The following CLMN variants were observed in gnomAD, a reference collection of about 807,000 sequenced individuals.
The protein encoded by CLMN is calmin.
A neutral mutation model predicts 92.7 loss-of-function variants in CLMN; 57 were observed. The observed-to-expected ratio is 0.61, with a 90% CI of 0.50 to 0.77. The LOEUF is 0.77. CLMN is among the 30% of genes least tolerant of loss of function. The pLI is 0.00. For synonymous variants in CLMN, 466 were observed against 470.6 expected (o/e 0.99, Z 0.13); for missense variants, 1,158 against 1,237.5 (o/e 0.94, Z 0.96).
At chr14:95,303,436 T>C (rs1005812553) in intron 1 of CLMN, among the ~76,000 whole-genome samples, 2 of 152,196 alleles carry the variant, frequency 1.3e-5, no homozygotes, top group African/African-American at 4.8e-5. Context: ...GAGCTTTCAG[T>C]CCACTGATGG....
rs1900817164 is a variant in CLMN at position 95,296,553 on chromosome 14, A to G, written c.82+23158T>C. Among the ~76,000 whole-genome samples the G allele has an allele frequency of 2.0e-5, 3 of 152,244 alleles. No individual in the cohort carries two copies. The South Asian group carries it at 6.2e-4, about 32-fold the overall frequency. On this transcript the variant is annotated intron_variant, in intron 1 of 12. Coordinates refer to ENST00000298912, the MANE Select transcript of CLMN (RefSeq NM_024734.4). ...CAACCCAGTGACTAAGTGCTGACCA[A>G]TAAGATGTCAGCAGAAATGCTATCA...
rs1897585446 is a variant in CLMN at position 95,222,692 on chromosome 14, G to A, written c.241-918C>T. The A allele has an allele frequency of 1.1e-5, 5 of 439,394 alleles. No homozygotes were observed. The Admixed American group carries it at 1.3e-4, about 11-fold the overall frequency. 27.2% of individuals were successfully genotyped at this position (439,394 alleles called of 1,614,324 possible). A position where few individuals can be genotyped will look rare whatever the true frequency, so the allele number is the denominator to read the frequency against. On this transcript the variant is annotated intron_variant, in intron 3 of 12. Transcript: ENST00000298912. ...AAGTCTTTTGGGGACCGTGCTCATG[G>A]CGAGGCCTCTAAGAAACCAAATACT... is the stretch of plus-strand genomic sequence containing the variant.
chr14:95,183,986 G>GA lies in CLMN; in HGVS notation c.*7577dup, dbSNP rs1490057221. 5 of 152,226 alleles carry GA rather than the reference G, an allele frequency of 3.3e-5. No individual in the cohort carries two copies. Among genetic ancestry groups the GA allele is most frequent in the African/African-American group, 9.6e-5 (4 of 41,534 alleles). The allele number at this position is 152,226 out of a possible 1,614,324, so 9.4% of individuals were successfully genotyped here. On this transcript the variant is annotated 3_prime_UTR_variant, in exon 13 of 13. Coordinates refer to ENST00000298912, the MANE Select transcript of CLMN (RefSeq NM_024734.4). ...GTTAGATTTGAGACAGGGTAGCTCA[G>GA]AAAAAAGTAATGGATTGGAGAGAGG...
chr14:95,230,037 T>A (rs1566881299), intron 2 of CLMN, 35 bp downstream of exon 2: 1 of 1,595,920 alleles, frequency 6.3e-7, no homozygotes, highest in Non-Finnish European at 8.6e-7. Context: ...TACAGATGAA[T>A]CTATCACTTA....
At chr14:95,302,191 T>C (rs1378714641) in intron 1 of CLMN, among the ~76,000 whole-genome samples, 5 of 152,066 alleles carry the variant, frequency 3.3e-5, no homozygotes, top group Non-Finnish European at 7.4e-5. Context: ...TCCCAGCTAC[T>C]CAGGAGGCTG....
At chr14:95,245,225 T>TAATA (rs1491192837) in intron 1 of CLMN, among the ~76,000 whole-genome samples, 1 of 24,360 alleles carries the variant, frequency 4.1e-5, no homozygotes, top group Non-Finnish European at 6.1e-5. Context: ...TATATATATA[T>TAATA]TATATATATA....
At chr14:95,224,321 C>T (rs1897643493) in intron 2 of CLMN, among the ~76,000 whole-genome samples, 1 of 152,102 alleles carries the variant, frequency 6.6e-6, no homozygotes, top group African/African-American at 2.4e-5. Flanking sequence ...CGCTCTGTCG[C>T]CCAGGCTTAG....
chr14:95,264,949 A>AT (rs1361432591), intron 1 of CLMN, among the ~76,000 whole-genome samples: 1 of 151,760 alleles, frequency 6.6e-6, no homozygotes. Flanking sequence ...CAAAAAAAAA[A>AT]AAAAAAATTA....
In CLMN at chr14:95,274,969, A is replaced by G. The variant is rs1899868060; in HGVS notation, c.82+44742T>C. 3.7e-5 allele frequency among the ~76,000 whole-genome samples: 5 copies of G among 133,842 alleles called. No individual in the cohort carries two copies. In the South Asian group the frequency reaches 1.2e-3, roughly 32 times the overall value. 87.8% of individuals were successfully genotyped at this position (133,842 alleles called of 152,430 possible). A position where few individuals can be genotyped will look rare whatever the true frequency, so the allele number is the denominator to read the frequency against. ...CACTCCAGCCTGACGACAGGGCAACACTCTGTCTCAAAAAAAAAAAAAAAA... is the reference window on the plus strand; with the variant it reads ...CACTCCAGCCTGACGACAGGGCAACGCTCTGTCTCAAAAAAAAAAAAAAAA... On this transcript the variant is annotated intron_variant, in intron 1 of 12. Transcript: ENST00000298912.
At chr14:95,198,042 C>CTTTTTTTTTTTTTTTTT (rs1019598103) in intron 9 of CLMN, among the ~76,000 whole-genome samples, 1 of 69,956 alleles carries the variant, frequency 1.4e-5, no homozygotes, top group Non-Finnish European at 2.6e-5. Flanking sequence ...TTTTTTCTTT[C>CTTTTTTTTTTTTTTTTT]TTTTTTTTTT....
chr14:95,184,942 T>A lies in CLMN; in HGVS notation c.*6622A>T, dbSNP rs1017949734. ...TGAGCAACAGTGAGACCTGTATCTA[T>A]AAAAGATAAAAAAATTAGGTGGGCG... On this transcript the variant is annotated 3_prime_UTR_variant, in exon 13 of 13. Coordinates refer to ENST00000298912, the MANE Select transcript of CLMN (RefSeq NM_024734.4). 2.6e-5 allele frequency: 4 copies of A among 152,090 alleles called. No homozygotes were observed. Among genetic ancestry groups the A allele is most frequent in the African/African-American group, 9.7e-5 (4 of 41,402 alleles). 9.4% of individuals were successfully genotyped at this position (152,090 alleles called of 1,614,324 possible).
intron 1 of CLMN, among the ~76,000 whole-genome samples, chr14:95,265,739 C>CAGAG (rs1899447638): frequency 6.6e-6 from 1 of 152,234 alleles, no homozygotes; most frequent in African/African-American, 2.4e-5. Context: ...CATGCTCAGA[C>CAGAG]AGAGCCCTGT....
At chr14:95,270,490 T>C (rs1355989094) in intron 1 of CLMN, among the ~76,000 whole-genome samples, 6 of 152,202 alleles carry the variant, frequency 3.9e-5, no homozygotes, top group Admixed American at 3.9e-4. Context: ...ATAGACCTTC[T>C]AGCTCCATTG....
At chr14:95,252,322 T>C (rs1318862605) in intron 1 of CLMN, among the ~76,000 whole-genome samples, 1 of 152,076 alleles carries the variant, frequency 6.6e-6, no homozygotes, top group Non-Finnish European at 1.5e-5. Context: ...GTGGGGATAA[T>C]GAGAGCCCAC....
chr14:95,223,961 G>C (rs1289980675), intron 2 of CLMN, 106 bp from the exon 3 acceptor site: 2 of 793,122 alleles, frequency 2.5e-6, no homozygotes, highest in African/African-American at 3.5e-5. Flanking sequence ...CAAACATCCA[G>C]CTCTGTTTAC....
chr14:95,273,371 T>C (rs1187656230), intron 1 of CLMN, among the ~76,000 whole-genome samples: 1 of 152,038 alleles, frequency 6.6e-6, no homozygotes, highest in East Asian at 1.9e-4. Context: ...CAAGAAGGGC[T>C]CCTCCCTATT....
At chr14:95,293,338 C>A (rs1311007715) in intron 1 of CLMN, among the ~76,000 whole-genome samples, 2 of 87,520 alleles carry the variant, frequency 2.3e-5, no homozygotes, top group South Asian at 9.9e-4. Context: ...CCTTCCTTCC[C>A]TCCCTCCCTC....
rs989768392 is a variant in CLMN at position 95,237,962 on chromosome 14, C to T, written c.83-7829G>A. Among the ~76,000 whole-genome samples the T allele has an allele frequency of 2.0e-5, 3 of 152,190 alleles. 1 individual carries two copies. The highest frequency in any genetic ancestry group is 4.8e-5 in the African/African-American group (2 of 41,448). ...CGCAATCTCACTCCATCAGCTTGAG[C>T]GAGCCCCTGTGGATCTTTAAACCAG... On this transcript the variant is annotated intron_variant, in intron 1 of 12. Coordinates refer to ENST00000298912, the MANE Select transcript of CLMN (RefSeq NM_024734.4).
At chr14:95,216,716 T>C (rs1324837377) in intron 4 of CLMN, among the ~76,000 whole-genome samples, 1 of 152,218 alleles carries the variant, frequency 6.6e-6, no homozygotes, top group Non-Finnish European at 1.5e-5. Context: ...AAAATGTGCC[T>C]CTTGTAGAAA....
Sources: allele counts gnomAD v4.1 joint callset (sites outside exome capture counted in the v4.1 genomes callset), GRCh38; gene constraint gnomAD v4.1.1; transcripts MANE v1.5; gene names NCBI Gene and HGNC (gene_info 2026-07-23, HGNC 2026-07-21).